The following HERC1 variants were observed in gnomAD, a reference collection of about 807,000 sequenced individuals.
The protein encoded by HERC1 is HECT and RLD domain containing E3 ubiquitin protein ligase family member 1, also known as probable E3 ubiquitin-protein ligase HERC1.
Under a neutral mutation model 554.3 loss-of-function variants are expected in HERC1, and 160 were observed. That is an observed-to-expected ratio of 0.29 (90% CI 0.25 to 0.33). The LOEUF is 0.33. Among genes scored for constraint, HERC1 ranks in the 10% least tolerant of loss-of-function variants. The probability of loss-of-function intolerance (pLI) is 1.00; values close to 1 mark genes in which losing one functional copy is unlikely to be tolerated. For synonymous variants in HERC1, 2,175 were observed against 2,131.7 expected, an observed-to-expected ratio of 1.02 and a Z score of -0.56; for missense variants, 4,919 against 5,918.5, an observed-to-expected ratio of 0.83 and a Z score of 5.54.
Position 63,623,874 on chromosome 15 carries a change from G to A in HERC1, c.13462C>T (p.Pro4488Ser). The stretch of plus-strand genomic sequence containing the variant: ...TGTCTCGCTATTTGGACAAAAATAG[G>A]CTTACACTTCCGTCCTCTTTAAAAG... The part of the protein sequence containing the change: ...RISTRGRKCK[P>S]IFVQIARQVV... The change falls in exon 73 of 78, where the codon CCT becomes TCT. Residue 4488 changes from proline (P) to serine (S), a missense_variant. Coordinates refer to ENST00000443617, the MANE Select transcript of HERC1 (RefSeq NM_003922.4). 1.2e-6 allele frequency: 2 copies of A among 1,613,866 alleles called. No homozygotes were observed. The highest frequency in any genetic ancestry group is 1.7e-6 in the Non-Finnish European group (2 of 1,179,862).
At chr15:63,824,086 TG>T (rs1737454709) in intron 1 of HERC1, among the ~76,000 whole-genome samples, 1 of 151,888 alleles carries the variant, frequency 6.6e-6, no homozygotes, top group Non-Finnish European at 1.5e-5. Flanking sequence ...AAAACCACAA[TG>T]AGGTATCACC....
At position 63,758,422 on chromosome 15, in the gene HERC1, CA is replaced by C; in HGVS notation, c.1027-54del. 1 of 1,293,676 alleles carries C rather than the reference CA, an allele frequency of 7.7e-7. No individual in the cohort carries two copies. The highest frequency in any genetic ancestry group is 1.4e-5 in the South Asian group (1 of 69,778). The allele number at this position is 1,293,676 out of a possible 1,614,324, so 80.1% of individuals were successfully genotyped here. ...ATAGTCAAGACAGTTTTAGTCTGGG[CA>C]TTTTTTATACATATCCTCTGAAATT... On this transcript the variant is annotated intron_variant, in intron 3 of 77. Coordinates refer to ENST00000443617, the MANE Select transcript of HERC1 (RefSeq NM_003922.4). The surrounding 1 kb of genome is among the most constrained non-coding windows in gnomAD (Gnocchi z 4.0).
At chr15:63,630,319 C>G in intron 69 of HERC1, 147 bp downstream of exon 69, 1 of 846,280 alleles carries the variant, frequency 1.2e-6, no homozygotes, top group East Asian at 2.4e-5. Context: ...CATAACTAGA[C>G]TTACAAAATA....
At chr15:63,662,923 G>C in intron 44 of HERC1, 61 bp downstream of exon 44, 2 of 1,267,332 alleles carry the variant, frequency 1.6e-6, no homozygotes, top group Non-Finnish European at 2.3e-6. Context: ...CTGTTAGTAA[G>C]CTATATGAAC....
intron 33 of HERC1, 143 bp from the exon 34 acceptor site, chr15:63,686,678 A>T (rs1253741844): frequency 3.0e-6 from 2 of 656,788 alleles, no homozygotes; most frequent in Non-Finnish European, 5.0e-6. Context: ...ACAGGAACAC[A>T]ATGATAAATA....
In HERC1 at chr15:63,798,315, C is replaced by T. The variant is rs373393506; in HGVS notation, c.-26-22666G>A. ...GAAAACCCCAAATGACTACTCAGTG[C>T]TTAACCAGTTAAAGACTAATTACTT... is the stretch of plus-strand genomic sequence containing the variant. On this transcript the variant is annotated intron_variant, in intron 1 of 77. Coordinates refer to ENST00000443617, the MANE Select transcript of HERC1 (RefSeq NM_003922.4). Among the ~76,000 whole-genome samples the T allele has an allele frequency of 2.0e-5, 3 of 152,310 alleles. No homozygotes were observed. In the East Asian group the frequency reaches 5.8e-4, roughly 29 times the overall value.
Position 63,725,301 on chromosome 15 carries a change from G to A in HERC1, c.3559C>T (p.Pro1187Ser). The change falls in exon 18 of 78, where the codon CCT (proline) becomes TCT (serine). Residue 1187 changes from proline (P) to serine (S), a missense_variant. Coordinates refer to ENST00000443617, the MANE Select transcript of HERC1 (RefSeq NM_003922.4). ...CAGAGAAGCACATTACCCAATTGAG[G>A]AGTGTCCATTTCTACACCGTCACTG... is the stretch of plus-strand genomic sequence containing the variant. The part of the protein sequence containing the change: ...LFSDGVEMDT[P>S]QLDKCMSCLL... 1 of 1,613,132 alleles carries A rather than the reference G, an allele frequency of 6.2e-7. No individual in the cohort carries two copies. The highest frequency in any genetic ancestry group is 8.5e-7 in the Non-Finnish European group (1 of 1,179,254).
At chr15:63,778,614 T>C (rs1166737075) in intron 1 of HERC1, among the ~76,000 whole-genome samples, 1 of 152,156 alleles carries the variant, frequency 6.6e-6, no homozygotes, top group Non-Finnish European at 1.5e-5. Context: ...AACAACCCTT[T>C]CCTCAAGTAA....
chr15:63,751,188 T>C (rs1327433899), intron 8 of HERC1, among the ~76,000 whole-genome samples: 1 of 152,184 alleles, frequency 6.6e-6, no homozygotes, highest in African/African-American at 2.4e-5. Context: ...TCCCTTAAGA[T>C]CTAACGGAGT....
At chr15:63,790,130 G>T (rs1448696135) in intron 1 of HERC1, among the ~76,000 whole-genome samples, 1 of 152,098 alleles carries the variant, frequency 6.6e-6, no homozygotes, top group African/African-American at 2.4e-5. Flanking sequence ...TCATTGCCAT[G>T]AGGGCTACAT....
At chr15:63,725,233 A>T in intron 18 of HERC1, 59 bp downstream of exon 18, 1 of 1,436,316 alleles carries the variant, frequency 7.0e-7, no homozygotes, top group Non-Finnish European at 9.6e-7. Context: ...AGAATAGAGA[A>T]ATCTCCAACT....
In HERC1 at chr15:63,608,873, A is replaced by G. The variant is rs1161295718; in HGVS notation, c.*208T>C. The G allele has an allele frequency of 9.2e-6, 4 of 435,180 alleles. No individual in the cohort carries two copies. Among genetic ancestry groups the G allele is most frequent in the Non-Finnish European group, 1.6e-5 (4 of 253,860 alleles). 27.0% of individuals were successfully genotyped at this position (435,180 alleles called of 1,614,324 possible). ...TGGAGGGAAAAACCTGACTGAGAGC[A>G]CTTCGTTTTTGTTGTTTTTGTACAA... is the stretch of plus-strand genomic sequence containing the variant. On this transcript the variant is annotated 3_prime_UTR_variant, in exon 78 of 78. Transcript: ENST00000443617.
At chr15:63,811,540 T>C (rs2077308494) in intron 1 of HERC1, among the ~76,000 whole-genome samples, 1 of 152,060 alleles carries the variant, frequency 6.6e-6, no homozygotes, top group Admixed American at 6.6e-5. Flanking sequence ...CCGGGCGCGG[T>C]GGCTCACGCC....
At position 63,645,518 on chromosome 15, in the gene HERC1, T is replaced by G. The variant is rs1312101270; in HGVS notation, c.11043A>C (p.Pro3681=). ...IVNGIAWCRL[P]GKGSKLQLLM... is the part of the protein sequence containing the mutation. ...GTAACTGCAACTTGGATCCTTTCCC[T>G]GGAAGGCGGCACCAAGCAATGCCAT... Residue 3681 remains proline (P), a synonymous_variant, in exon 56 of 78, where the codon CCA becomes CCC. Transcript: ENST00000443617. 6.2e-7 allele frequency: 1 copy of G among 1,611,852 alleles called. No individual in the cohort carries two copies. Among genetic ancestry groups the G allele is most frequent in the South Asian group, 1.1e-5 (1 of 90,684 alleles).
In HERC1 at chr15:63,775,410, T is replaced by C; in HGVS notation, c.214A>G (p.Ser72Gly). The C allele has an allele frequency of 3.1e-6, 5 of 1,614,024 alleles. No homozygotes were observed. The highest frequency in any genetic ancestry group is 4.2e-6 in the Non-Finnish European group (5 of 1,179,874). ...LPDFERESLS[S>G]DEQDHYLDAL... ...TCCAAATAGTGGTCCTGCTCATCACTTGAAAGAGACTCACGTTCAAAGTCT... is the reference window on the plus strand; with the variant it reads ...TCCAAATAGTGGTCCTGCTCATCACCTGAAAGAGACTCACGTTCAAAGTCT... The change falls in exon 2 of 78, where the codon AGT becomes GGT. Residue 72 changes from serine (S) to glycine (G), a missense_variant. This residue lies in a region of HERC1 where 110 missense variants were observed against 99.3 expected (regional missense o/e 1.11). Transcript: ENST00000443617. This position sits in a 1 kb window ranked among gnomAD's most constrained non-coding sequence, Gnocchi z 4.0.
At position 63,674,700 on chromosome 15, in the gene HERC1, A is replaced by T; in HGVS notation, c.7488T>A (p.His2496Gln). ...RKNHEHMSKN[H>Q]DVAQSEIRAV... is the part of the protein sequence containing the mutation. ...CTCTGATTTCTGACTGGGCTACATC[A>T]TGGTTTTTGGACATGTGTTCATGAT... The change falls in exon 38 of 78, where the codon CAT becomes CAA. Residue 2496 changes from histidine to glutamine, a missense_variant. Around this residue, in one of 11 missense-constraint regions of HERC1, gnomAD observed 1,963 missense variants for 2,228.6 expected, o/e 0.88. Coordinates refer to ENST00000443617, the MANE Select transcript of HERC1 (RefSeq NM_003922.4). The T allele has an allele frequency of 6.2e-7, 1 of 1,613,610 alleles. No homozygotes were observed.
Position 63,678,495 on chromosome 15 carries a change from C to T in HERC1, c.6550-130G>A, listed in dbSNP as rs1164609546. 7.4e-6 allele frequency: 8 copies of T among 1,079,060 alleles called. No individual in the cohort carries two copies. In the Admixed American group the frequency reaches 9.2e-5, roughly 12 times the overall value. 66.8% of individuals were successfully genotyped at this position (1,079,060 alleles called of 1,614,324 possible). A position where few individuals can be genotyped will look rare whatever the true frequency, so the allele number is the denominator to read the frequency against. ...TCTTCATACATGTGAATTATACCAA[C>T]TGGCCCCCAAAGAGTAAGGAAATGT... On this transcript the variant is annotated intron_variant, in intron 36 of 77. Transcript: ENST00000443617.
At chr15:63,774,253 TG>T (rs2076045590) in intron 2 of HERC1, among the ~76,000 whole-genome samples, 1 of 152,212 alleles carries the variant, frequency 6.6e-6, no homozygotes, top group Admixed American at 6.5e-5. Flanking sequence ...GTTAGCTCCA[TG>T]GGGGTGGAAA....
chr15:63,776,526 A>G (rs1250582225), intron 1 of HERC1, among the ~76,000 whole-genome samples: 1 of 152,264 alleles, frequency 6.6e-6, no homozygotes, highest in South Asian at 2.1e-4. Flanking sequence ...AAAAGAAAAC[A>G]TAAGACCATA....
Sources: gnomAD v4.1 joint callset for allele counts (sites outside exome capture counted in the v4.1 genomes callset) on GRCh38, gnomAD v4.1.1 for gene constraint, gnomAD v4.1.1 regional missense constraint, Gnocchi (gnomAD v3.1) non-coding constraint, MANE v1.5 for transcripts, NCBI Gene and HGNC (gene_info 2026-07-23, HGNC 2026-07-21) for gene names.